Variants in RAB38 observed in about 807,000 individuals in gnomAD.
RAB38 encodes ras-related protein Rab-38.
RAB38 carries 15 observed loss-of-function variants against 18.4 expected under a neutral mutation model. That is an observed-to-expected ratio of 0.82 (90% CI 0.55 to 1.26). RAB38 has a LOEUF of 1.26. Among genes scored for constraint, RAB38 ranks in the 50% most tolerant of loss-of-function variants. The pLI is 0.00. For missense variants in RAB38, 294 were observed against 267.4 expected (o/e 1.10, Z -0.69); for synonymous variants, 101 against 104.4 (o/e 0.97, Z 0.20).
At chr11:87,879,677 C>A in the RAB38 span, 132,785 of 151,548 alleles carry the variant, frequency 0.88, 58,327 homozygotes, top group Admixed American at 0.9. Flanking sequence ...TACATTATCT[C>A]ATCTGGGGTA....
chr11:88,040,901 T>C, the RAB38 span, among the ~76,000 whole-genome samples: 1 of 152,166 alleles, frequency 6.6e-6, no homozygotes, highest in South Asian at 2.1e-4. Flanking sequence ...ATACAGCCCC[T>C]TAAAATTATT....
At chr11:87,971,287 G>C in the RAB38 span, among the ~76,000 whole-genome samples, 19 of 152,248 alleles carry the variant, frequency 1.2e-4, no homozygotes, top group South Asian at 3.7e-3. Context: ...GTCCCAGAAT[G>C]CTGAAGTGTT....
In RAB38 at chr11:88,114,133, A is replaced by G. The variant is rs749611534; in HGVS notation, c.491T>C (p.Ile164Thr). The G allele has an allele frequency of 9.3e-6, 15 of 1,613,984 alleles. No homozygotes were observed. Among genetic ancestry groups the G allele is most frequent in the Admixed American group, 1.7e-5 (1 of 59,992 alleles). The stretch of plus-strand genomic sequence containing the variant: ...GCATCTGGAGGCTTCATCAATGTTT[A>G]TATTTTCCTATGAGGGAAAAAATAA... Reference protein sequence around the residue: ...GWFETSAKENINIDEASRCLV... With the variant: ...GWFETSAKENTNIDEASRCLV... Residue 164 changes from isoleucine to threonine, a missense_variant, in exon 3 of 3, where the codon ATA (isoleucine) becomes ACA (threonine). Transcript: ENST00000243662.
At chr11:88,052,902 A>T in the RAB38 span, among the ~76,000 whole-genome samples, 1 of 4,598 alleles carries the variant, frequency 2.2e-4, no homozygotes, top group African/African-American at 9.5e-4. Context: ...AAAAAATTTC[A>T]TATATATATA....
At chr11:87,955,957 A>G in the RAB38 span, among the ~76,000 whole-genome samples, 3 of 152,130 alleles carry the variant, frequency 2.0e-5, no homozygotes, top group Admixed American at 6.6e-5. Flanking sequence ...ACATGTCAAA[A>G]GAGAAAATGC....
chr11:88,167,360 G>A (rs1565222196), intron 1 of RAB38: 1 of 152,142 alleles, frequency 6.6e-6, no homozygotes, highest in Non-Finnish European at 1.5e-5. Context: ...GGTCGTGACT[G>A]TCATGCTAAA....
the RAB38 span, among the ~76,000 whole-genome samples, chr11:87,834,464 T>C: frequency 1.3e-5 from 2 of 152,178 alleles, no homozygotes; most frequent in Non-Finnish European, 2.9e-5. Flanking sequence ...TGATTTGCTG[T>C]ATTAGCCATA....
the RAB38 span, among the ~76,000 whole-genome samples, chr11:87,858,926 C>CA: frequency 9.7e-5 from 14 of 143,914 alleles, no homozygotes; most frequent in East Asian, 2.0e-4. Context: ...CACCTGAGTC[C>CA]AAAAAACAAA....
At chr11:88,137,797 C>T (rs1236546460) in intron 2 of RAB38, among the ~76,000 whole-genome samples, 1 of 152,042 alleles carries the variant, frequency 6.6e-6, no homozygotes, top group African/African-American at 2.4e-5. Context: ...CTAAAAACTA[C>T]CAGACAAAAG....
chr11:88,137,603 G>A (rs1420418472), intron 2 of RAB38, among the ~76,000 whole-genome samples: 1 of 152,098 alleles, frequency 6.6e-6, no homozygotes, highest in Non-Finnish European at 1.5e-5. Context: ...CACCAAACTA[G>A]GAGTTTCATA....
chr11:88,126,634 G>A (rs1211821608), intron 2 of RAB38, among the ~76,000 whole-genome samples: 3 of 151,872 alleles, frequency 2.0e-5, no homozygotes, highest in African/African-American at 7.3e-5. Flanking sequence ...ACACCAACAT[G>A]GCACATGTAT....
chr11:88,097,441 G>A, the RAB38 span, among the ~76,000 whole-genome samples: 467 of 151,982 alleles, frequency 3.1e-3, 4 homozygotes, highest in Non-Finnish European at 3.3e-3. Flanking sequence ...ATACCTGTGC[G>A]TAGTTCTGCA....
intron 2 of RAB38, among the ~76,000 whole-genome samples, chr11:88,124,796 A>G (rs1438475519): frequency 1.3e-5 from 2 of 152,218 alleles, no homozygotes; most frequent in Admixed American, 1.3e-4. Flanking sequence ...AGATACATCA[A>G]TTTGAAGTTC....
the RAB38 span, among the ~76,000 whole-genome samples, chr11:88,018,116 G>T: frequency 6.6e-6 from 1 of 151,964 alleles, no homozygotes; most frequent in Non-Finnish European, 1.5e-5. Context: ...CCTAGTCTTC[G>T]GTATATCTTT....
At chr11:87,901,427 A>G in the RAB38 span, among the ~76,000 whole-genome samples, 1 of 151,612 alleles carries the variant, frequency 6.6e-6, no homozygotes, top group Non-Finnish European at 1.5e-5. Context: ...TTGGAACTCA[A>G]CATTCCATAA....
chr11:87,931,003 C>A, the RAB38 span, among the ~76,000 whole-genome samples: 5 of 152,148 alleles, frequency 3.3e-5, no homozygotes, highest in African/African-American at 4.8e-5. Context: ...TAGCGTGATG[C>A]CTCCAGCTTT....
chr11:88,149,606 G>A, intron 2 of RAB38, 69 bp downstream of exon 2: 1 of 1,481,558 alleles, frequency 6.7e-7, no homozygotes, highest in Admixed American at 2.0e-5. Context: ...TATGATGATG[G>A]TGATGATTAT....
At chr11:88,053,106 AC>A in the RAB38 span, among the ~76,000 whole-genome samples, 3 of 134,906 alleles carry the variant, frequency 2.2e-5, no homozygotes, top group Admixed American at 8.3e-5. Flanking sequence ...ATATATATAC[AC>A]ATATATATGG....
chr11:88,145,609 G>A (rs545819445), intron 2 of RAB38, among the ~76,000 whole-genome samples: 4 of 152,122 alleles, frequency 2.6e-5, no homozygotes, highest in African/African-American at 9.6e-5. Context: ...CTCTCAAATG[G>A]GCCCTGAAGA....
Sources: gnomAD v4.1 joint callset for allele counts (sites outside exome capture counted in the v4.1 genomes callset) on GRCh38, gnomAD v4.1.1 for gene constraint, MANE v1.5 for transcripts, NCBI Gene and HGNC (gene_info 2026-07-23, HGNC 2026-07-21) for gene names.